The following LYZL2 variants were observed in gnomAD, a reference collection of about 807,000 sequenced individuals.
The protein encoded by LYZL2 is lysozyme like 2.
LYZL2 carries 13 observed loss-of-function variants against 17.1 expected under a neutral mutation model. That is an observed-to-expected ratio of 0.76 (90% CI 0.49 to 1.21). The LOEUF is 1.21. Among genes scored for constraint, LYZL2 ranks in the 50% most tolerant of loss-of-function variants. The pLI is 0.00. For synonymous variants in LYZL2, 63 were observed against 74.4 expected, an observed-to-expected ratio of 0.85 and a Z score of 0.79; for missense variants, 166 against 189.2, an observed-to-expected ratio of 0.88 and a Z score of 0.72.
chr10:30,628,041 T>C (rs1419433429), intron 1 of LYZL2, among the ~76,000 whole-genome samples: 1 of 152,020 alleles, frequency 6.6e-6, no homozygotes, highest in African/African-American at 2.4e-5. Flanking sequence ...GTGTCTGTAG[T>C]CCCAGCTGCT....
intron 3 of LYZL2, among the ~76,000 whole-genome samples, chr10:30,614,704 C>T (rs1197789090): frequency 2.6e-5 from 4 of 152,084 alleles, no homozygotes; most frequent in Non-Finnish European, 5.9e-5. Flanking sequence ...GAGGCAGGTT[C>T]TCTGGATACT....
At chr10:30,621,477 A>G (rs1838617977) in intron 3 of LYZL2, among the ~76,000 whole-genome samples, 1 of 151,760 alleles carries the variant, frequency 6.6e-6, no homozygotes, top group Non-Finnish European at 1.5e-5. Flanking sequence ...CCAGCTGCTC[A>G]GGAGGCTGAG....
chr10:30,611,708 AAG>A, downstream of LYZL2: 1 of 422,722 alleles, frequency 2.4e-6, no homozygotes, highest in Admixed American at 5.7e-5. Context: ...AAGAAAAAGA[AAG>A]AAAGAAAGAA....
Position 30,626,269 on chromosome 10 carries a change from G to A in LYZL2, c.140-6C>T, listed in dbSNP as rs774049395. ...ATAATACGCCATGCAGATCCCTGGA[G>A]GGGGGAAAGCCAGAAACGCCAGCAA... On this transcript the variant is annotated splice_polypyrimidine_tract_variant and splice_region_variant and intron_variant, in intron 2 of 4. Transcript: ENST00000647634. 2 of 1,612,866 alleles carry A rather than the reference G, an allele frequency of 1.2e-6. No individual in the cohort carries two copies. The highest frequency in any genetic ancestry group is 2.2e-5 in the East Asian group (1 of 44,870).
At chr10:30,620,983 G>T (rs185647261) in intron 3 of LYZL2, among the ~76,000 whole-genome samples, 1 of 152,144 alleles carries the variant, frequency 6.6e-6, no homozygotes, top group Non-Finnish European at 1.5e-5. Context: ...TACAGCATCA[G>T]CGATCGAACA....
At chr10:30,618,273 G>A (rs906425321) in intron 3 of LYZL2, among the ~76,000 whole-genome samples, 13 of 152,170 alleles carry the variant, frequency 8.5e-5, no homozygotes, top group Non-Finnish European at 1.5e-4. Context: ...TAGATTCAAT[G>A]CCATCCCCAT....
chr10:30,618,099 C>T (rs1445330007), intron 3 of LYZL2, among the ~76,000 whole-genome samples: 4 of 151,346 alleles, frequency 2.6e-5, no homozygotes, highest in Non-Finnish European at 5.9e-5. Context: ...AATAAAATAC[C>T]TAGGAATCCA....
At chr10:30,617,439 G>A (rs942038844) in intron 3 of LYZL2, among the ~76,000 whole-genome samples, 1 of 152,080 alleles carries the variant, frequency 6.6e-6, no homozygotes, top group Non-Finnish European at 1.5e-5. Context: ...ACTTCAGGAG[G>A]CTGAGGCAGG....
rs1459915047 is a variant in LYZL2, at chr10:30,629,597, A to G, written c.-30T>C. 1 of 1,613,966 alleles carries G rather than the reference A, an allele frequency of 6.2e-7. No homozygotes were observed. Among genetic ancestry groups the G allele is most frequent in the East Asian group, 2.2e-5 (1 of 44,900 alleles). The stretch of plus-strand genomic sequence containing the variant: ...TAAGAGTAATTTAGGTCTTACTGAA[A>G]AGGCAGATTCCTGGTGCCTGCCGCA... On this transcript the variant is annotated 5_prime_UTR_variant, in exon 1 of 5. Transcript: ENST00000647634.
chr10:30,626,368 C>T, intron 2 of LYZL2, 105 bp from the exon 3 acceptor site: 1 of 1,529,174 alleles, frequency 6.5e-7, no homozygotes, highest in South Asian at 1.3e-5. Flanking sequence ...ACTGCTTCCT[C>T]CCAATACACC....
intron 3 of LYZL2, among the ~76,000 whole-genome samples, chr10:30,617,398 G>A (rs996748633): frequency 6.6e-6 from 1 of 152,028 alleles, no homozygotes; most frequent in Non-Finnish European, 1.5e-5. Flanking sequence ...TATGTCGACC[G>A]GGCGCGGCGG....
chr10:30,611,581 AAG>A (rs201478493), downstream of LYZL2, among the ~76,000 whole-genome samples: 1 of 123,216 alleles, frequency 8.1e-6, no homozygotes, highest in African/African-American at 3.5e-5. Flanking sequence ...GAAAGAAAGA[AAG>A]AAAGAAAGAA....
chr10:30,608,080 C>T (rs185737886), downstream of LYZL2, among the ~76,000 whole-genome samples: 58 of 152,206 alleles, frequency 3.8e-4, no homozygotes, highest in East Asian at 0.01. Context: ...ATAGCTGGGA[C>T]CACAGGCGTG....
At chr10:30,628,750 A>G (rs1165666466) in intron 1 of LYZL2, among the ~76,000 whole-genome samples, 2 of 152,226 alleles carry the variant, frequency 1.3e-5, no homozygotes, top group African/African-American at 4.8e-5. Flanking sequence ...GTCATCAGCA[A>G]GGCCACCGCA....
intron 3 of LYZL2, among the ~76,000 whole-genome samples, chr10:30,617,139 A>T (rs977718186): frequency 2.6e-5 from 4 of 152,114 alleles, no homozygotes; most frequent in African/African-American, 9.7e-5. Context: ...AGCAGATCAC[A>T]TTCTATTATT....
chr10:30,626,372 A>G (rs1838706693), intron 2 of LYZL2, 109 bp from the exon 3 acceptor site: 1 of 1,523,544 alleles, frequency 6.6e-7, no homozygotes, highest in Non-Finnish European at 8.8e-7. Context: ...CTTCCTCCCA[A>G]TACACCTTGG....
intron 3 of LYZL2, among the ~76,000 whole-genome samples, chr10:30,614,083 T>C (rs960974877): frequency 1.3e-5 from 2 of 152,220 alleles, no homozygotes; most frequent in Non-Finnish European, 2.9e-5. Flanking sequence ...ATCCACATTC[T>C]TTCCTGCTTG....
At chr10:30,610,573 T>C (rs544101881), downstream of LYZL2, among the ~76,000 whole-genome samples, 4 of 152,140 alleles carry the variant, frequency 2.6e-5, no homozygotes, top group East Asian at 7.7e-4. Flanking sequence ...ACGGAGAGCA[T>C]TAGGACAAAT....
chr10:30,628,887 G>A (rs1838761346), intron 1 of LYZL2, among the ~76,000 whole-genome samples: 1 of 152,232 alleles, frequency 6.6e-6, no homozygotes, highest in African/African-American at 2.4e-5. Flanking sequence ...TGTATGTAAA[G>A]TTTTATTGAA....
Sources: gnomAD v4.1 joint callset for allele counts (sites outside exome capture counted in the v4.1 genomes callset) on GRCh38, gnomAD v4.1.1 for gene constraint, MANE v1.5 for transcripts, NCBI Gene and HGNC (gene_info 2026-07-23, HGNC 2026-07-21) for gene names.